The following IGSF21 variants were observed in gnomAD, a reference collection of about 807,000 sequenced individuals.
IGSF21 encodes immunoglobulin superfamily member 21.
In IGSF21, 28 loss-of-function variants were observed where a neutral mutation model predicts 46.8. The observed-to-expected ratio is 0.60, with a 90% confidence interval of 0.44 to 0.82. The LOEUF (loss-of-function observed/expected upper bound fraction) is 0.82, where lower values mean the gene tolerates loss of function less well. IGSF21 is among the 40% of genes least tolerant of loss of function. The probability of loss-of-function intolerance (pLI) is 0.00; values close to 1 mark genes in which losing one functional copy is unlikely to be tolerated. For synonymous variants in IGSF21, 284 were observed against 273.6 expected (o/e 1.04, Z -0.38); for missense variants, 624 against 665.5 (o/e 0.94, Z 0.69).
At chr1:18,160,387 C>T (rs1272622984) in intron 1 of IGSF21, among the ~76,000 whole-genome samples, 1 of 152,192 alleles carries the variant, frequency 6.6e-6, no homozygotes. Context: ...ATTATGCCCT[C>T]ATGCAGTAGG....
intron 1 of IGSF21, among the ~76,000 whole-genome samples, chr1:18,119,824 T>C (rs2124406149): frequency 6.6e-6 from 1 of 152,288 alleles, no homozygotes; most frequent in Admixed American, 6.5e-5. Flanking sequence ...CTGGTACCAA[T>C]TTGCCATTTG....
chr1:18,123,374 G>A, intron 1 of IGSF21, among the ~76,000 whole-genome samples: 1 of 152,210 alleles, frequency 6.6e-6, no homozygotes, highest in East Asian at 1.9e-4. Flanking sequence ...CCTTATTCCA[G>A]CTCCAGTCAG....
intron 8 of IGSF21, 118 bp downstream of exon 8, chr1:18,377,110 A>C: frequency 9.0e-7 from 1 of 1,111,872 alleles, no homozygotes; most frequent in Non-Finnish European, 1.3e-6. Flanking sequence ...AATCTCCCAA[A>C]TTTGCCCTGA....
At chr1:18,204,096 A>G (rs1343157827) in intron 1 of IGSF21, among the ~76,000 whole-genome samples, 1 of 152,174 alleles carries the variant, frequency 6.6e-6, no homozygotes, top group African/African-American at 2.4e-5. Flanking sequence ...CGCTTAGCAC[A>G]TGGTAACACC....
At chr1:18,316,298 G>C (rs1040484297) in intron 3 of IGSF21, among the ~76,000 whole-genome samples, 2 of 152,224 alleles carry the variant, frequency 1.3e-5, no homozygotes, top group Admixed American at 1.3e-4. Flanking sequence ...TGAGGCCAGA[G>C]GGAATGAGTT....
intron 2 of IGSF21, among the ~76,000 whole-genome samples, chr1:18,287,185 A>AC (rs201023013): frequency 7.4e-6 from 1 of 134,332 alleles, no homozygotes; most frequent in East Asian, 2.1e-4. Flanking sequence ...CGTCTCAAAA[A>AC]AAAAAAATAA....
chr1:18,303,618 T>G (rs1335695030), intron 3 of IGSF21, among the ~76,000 whole-genome samples: 1 of 152,226 alleles, frequency 6.6e-6, no homozygotes, highest in Non-Finnish European at 1.5e-5. Flanking sequence ...TTTGGCATGT[T>G]TCAAGCACCT....
chr1:18,200,205 G>T (rs1303368587), intron 1 of IGSF21, among the ~76,000 whole-genome samples: 4 of 152,208 alleles, frequency 2.6e-5, no homozygotes, highest in African/African-American at 9.7e-5. Flanking sequence ...TATAAAATAA[G>T]AAACAAGCCT....
intron 6 of IGSF21, among the ~76,000 whole-genome samples, chr1:18,374,120 C>A (rs1195751388): frequency 6.6e-6 from 1 of 152,208 alleles, no homozygotes; most frequent in Non-Finnish European, 1.5e-5. Context: ...GCCCCAGCAG[C>A]ACCTGAAGAA....
At chr1:18,116,876 G>A (rs2086193820) in intron 1 of IGSF21, among the ~76,000 whole-genome samples, 1 of 152,236 alleles carries the variant, frequency 6.6e-6, no homozygotes, top group South Asian at 2.1e-4. Flanking sequence ...CACATGCAAA[G>A]GGCTGGGGAA....
chr1:18,223,631 A>C (rs915261076), intron 1 of IGSF21, among the ~76,000 whole-genome samples: 1 of 152,212 alleles, frequency 6.6e-6, no homozygotes, highest in Non-Finnish European at 1.5e-5. Context: ...TTGTATTCAT[A>C]TTTTAATACT....
chr1:18,240,320 C>T (rs748758806), intron 2 of IGSF21, among the ~76,000 whole-genome samples: 13 of 152,182 alleles, frequency 8.5e-5, no homozygotes, highest in Non-Finnish European at 1.6e-4. Context: ...ATACGCAAAA[C>T]AAGGTAGCCC....
rs2086117633 is a variant in IGSF21, at chr1:18,109,029, C to G, written c.70+831C>G. On this transcript the variant is annotated intron_variant, in intron 1 of 9. Coordinates refer to ENST00000251296, the MANE Select transcript of IGSF21 (RefSeq NM_032880.5). The surrounding 1 kb of genome is among the most constrained non-coding windows in gnomAD (Gnocchi z 4.8). Reference sequence around the variant, plus strand: ...GTGTGTGTGTGTCCCGCCGTGTGGACTTGCTCCCGGGTTAGGCTAAGACAG... The same window carrying G: ...GTGTGTGTGTGTCCCGCCGTGTGGAGTTGCTCCCGGGTTAGGCTAAGACAG... Among the ~76,000 whole-genome samples, 1 of 94,706 alleles carries G rather than the reference C, an allele frequency of 1.1e-5. No homozygotes were observed. Among genetic ancestry groups the G allele is most frequent in the Middle Eastern group, 5.1e-3 (1 of 196 alleles). The allele number at this position is 94,706 out of a possible 152,430, so 62.1% of individuals were successfully genotyped here.
chr1:18,226,618 A>ACT (rs1163970118), intron 1 of IGSF21, among the ~76,000 whole-genome samples: 1 of 151,546 alleles, frequency 6.6e-6, no homozygotes, highest in Non-Finnish European at 1.5e-5. Context: ...GTCCGCTCTG[A>ACT]CTCCAACTTC....
chr1:18,345,365 A>G (rs993273969), intron 4 of IGSF21, among the ~76,000 whole-genome samples: 1 of 152,150 alleles, frequency 6.6e-6, no homozygotes, highest in African/African-American at 2.4e-5. Context: ...TAGTAATAAA[A>G]GTGTTTAATG....
At chr1:18,294,179 C>T (rs1199437966) in intron 3 of IGSF21, among the ~76,000 whole-genome samples, 1 of 152,192 alleles carries the variant, frequency 6.6e-6, no homozygotes, top group African/African-American at 2.4e-5. Context: ...GGTAACCCCA[C>T]AGTTGAGTTT....
intron 4 of IGSF21, among the ~76,000 whole-genome samples, chr1:18,353,318 G>T: frequency 6.6e-6 from 1 of 151,946 alleles, no homozygotes; most frequent in Non-Finnish European, 1.5e-5. Context: ...GGATGGGGCT[G>T]GAGATTTCAG....
At chr1:18,320,952 C>T (rs950583384) in intron 3 of IGSF21, among the ~76,000 whole-genome samples, 1 of 152,224 alleles carries the variant, frequency 6.6e-6, no homozygotes, top group Non-Finnish European at 1.5e-5. Context: ...GGAAACTGGG[C>T]TGATTGACAT....
At position 18,278,205 on chromosome 1, in the gene IGSF21, TTC is replaced by T. The variant is rs1277833722; in HGVS notation, c.184-13660_184-13659del. Among the ~76,000 whole-genome samples, 13 of 23,202 alleles carry T rather than the reference TTC, an allele frequency of 5.6e-4. No individual in the cohort carries two copies. In the East Asian group the frequency reaches 0.047, roughly 83 times the overall value. The allele number at this position is 23,202 out of a possible 152,430, so 15.2% of individuals were successfully genotyped here. A position where few individuals can be genotyped will look rare whatever the true frequency, so the allele number is the denominator to read the frequency against. On this transcript the variant is annotated intron_variant, in intron 2 of 9. Coordinates refer to ENST00000251296, the MANE Select transcript of IGSF21 (RefSeq NM_032880.5). Reference sequence around the variant, plus strand: ...ATATGATAAAGCAAACATGGCTGCATTCATTTATTTATTTATTTATTTATTTA... The same window carrying T: ...ATATGATAAAGCAAACATGGCTGCATATTTATTTATTTATTTATTTATTTA...
Sources: gnomAD v4.1 joint callset for allele counts (sites outside exome capture counted in the v4.1 genomes callset) on GRCh38, gnomAD v4.1.1 for gene constraint, Gnocchi (gnomAD v3.1) non-coding constraint, MANE v1.5 for transcripts, NCBI Gene and HGNC (gene_info 2026-07-23, HGNC 2026-07-21) for gene names.